EP400: variants seen among roughly 807,000 people sequenced by gnomAD.
EP400 encodes E1A-binding protein p400.
Under a neutral mutation model 354.1 loss-of-function variants are expected in EP400, and 105 were observed. The ratio of observed to expected loss-of-function variants is 0.30; its 90% CI spans 0.25 to 0.35. EP400 has a LOEUF of 0.35. Ranked by LOEUF, EP400 falls within the 10% of genes least tolerant of loss-of-function variation. The pLI, the probability that EP400 is intolerant of heterozygous loss-of-function variation, is 1.00. For missense variants in EP400, 3,280 were observed against 4,121.0 expected (o/e 0.80, Z 5.59); for synonymous variants, 1,646 against 1,716.9 (o/e 0.96, Z 1.02).
At chr12:131,979,321 A>T (rs1825320452) in intron 2 of EP400, among the ~76,000 whole-genome samples, 1 of 151,686 alleles carries the variant, frequency 6.6e-6, no homozygotes. Flanking sequence ...GTGTTTTTGG[A>T]TGTGAAGTTA....
At position 132,025,426 on chromosome 12, in the gene EP400, T is replaced by C. The variant is rs1894272297; in HGVS notation, c.4856-220T>C. Among the ~76,000 whole-genome samples the C allele has an allele frequency of 6.6e-6, 1 of 152,230 alleles. No individual in the cohort carries two copies. The highest frequency in any genetic ancestry group is 2.1e-4 in the South Asian group (1 of 4,832). On this transcript the variant is annotated intron_variant, in intron 24 of 52. Transcript: ENST00000389561. This position sits in a 1 kb window ranked among gnomAD's most constrained non-coding sequence, Gnocchi z 4.1. The stretch of plus-strand genomic sequence containing the variant: ...GGGACAGAGGGTAGATGGCCTTTTC[T>C]TGACATGGAGCAAGATACCTTGTCT...
At chr12:132,011,381 G>A in intron 15 of EP400, 117 bp from the exon 16 acceptor site, 1 of 1,288,556 alleles carries the variant, frequency 7.8e-7, no homozygotes, top group Non-Finnish European at 1.1e-6. Context: ...CCTCAGTCGT[G>A]CGATGGCTCA....
At chr12:132,003,613 G>A (rs1893489383) in intron 12 of EP400, among the ~76,000 whole-genome samples, 1 of 152,120 alleles carries the variant, frequency 6.6e-6, no homozygotes, top group South Asian at 2.1e-4. Context: ...CTTACTGGAA[G>A]TTTCCAGTGG....
chr12:132,002,417 G>A (rs547880160), intron 12 of EP400, among the ~76,000 whole-genome samples: 56 of 152,174 alleles, frequency 3.7e-4, no homozygotes, highest in African/African-American at 1.2e-3. Context: ...ATTATGGTGC[G>A]CATTCTTGAC....
chr12:132,044,970 C>A lies in EP400; in HGVS notation c.6784+17C>A. 1 of 1,612,564 alleles carries A rather than the reference C, an allele frequency of 6.2e-7. No individual in the cohort carries two copies. Among genetic ancestry groups the A allele is most frequent in the Non-Finnish European group, 8.5e-7 (1 of 1,179,562 alleles). On this transcript the variant is annotated intron_variant, in intron 37 of 52. Transcript: ENST00000389561. Reference sequence around the variant, plus strand: ...ACCCCTCAGGTGCGCATCCCGAGGGCGTCACATGACCTGGGGGGGCCCTGG... The same window carrying A: ...ACCCCTCAGGTGCGCATCCCGAGGGAGTCACATGACCTGGGGGGGCCCTGG...
At position 132,033,519 on chromosome 12, in the gene EP400, A is replaced by G. The variant is rs1894594144; in HGVS notation, c.5951+1370A>G. The stretch of plus-strand genomic sequence containing the variant: ...CTAGGTGGTAGCTGACCCTGGAACT[A>G]AAACCCAAGTGTGCTTTAACCTCTT... On this transcript the variant is annotated intron_variant, in intron 30 of 52. Coordinates refer to ENST00000389561, the MANE Select transcript of EP400 (RefSeq NM_015409.5). Among the ~76,000 whole-genome samples the G allele has an allele frequency of 2.6e-5, 4 of 151,500 alleles. No homozygotes were observed. In the South Asian group the frequency reaches 8.3e-4, roughly 32 times the overall value.
chr12:131,992,830 G>A (rs1180168824), intron 11 of EP400, among the ~76,000 whole-genome samples: 1 of 152,216 alleles, frequency 6.6e-6, no homozygotes, highest in Admixed American at 6.5e-5. Context: ...CAGGTGCCAG[G>A]TAAGGCCTGC....
At chr12:132,032,316 CATG>C (rs1444588147) in intron 30 of EP400, among the ~76,000 whole-genome samples, 167 bp downstream of exon 30, 1 of 152,246 alleles carries the variant, frequency 6.6e-6, no homozygotes, top group Non-Finnish European at 1.5e-5. Flanking sequence ...AAAGACAATG[CATG>C]ATATCTAATT....
At chr12:131,974,905 G>A (rs1370814433) in intron 2 of EP400, among the ~76,000 whole-genome samples, 1 of 146,810 alleles carries the variant, frequency 6.8e-6, no homozygotes, top group Non-Finnish European at 1.5e-5. Context: ...CAGGAGAATT[G>A]CTTGAACCCG....
Position 132,005,085 on chromosome 12 carries a change from C to G in EP400, c.2836C>G (p.Pro946Ala), listed in dbSNP as rs761655099. Residue 946 changes from proline (P) to alanine (A), a missense_variant, in exon 13 of 53, where the codon CCC becomes GCC. Transcript: ENST00000389561. ...LSNLAKEAEL[P>A]LLDLMKLYEG... ...CCCGCAACCCTCTGCAGCTGAGCTG[C>G]CCCTCCTGGACCTGATGAAGCTGTA... 1.9e-6 allele frequency: 3 copies of G among 1,581,610 alleles called. No individual in the cohort carries two copies. The highest frequency in any genetic ancestry group is 2.6e-6 in the Non-Finnish European group (3 of 1,163,678).
Position 132,050,636 on chromosome 12 carries a change from G to A in EP400, c.7375G>A (p.Ala2459Thr), listed in dbSNP as rs368830393. ...TCCCTTTCAGAAGAACCCCAAGCAC[G>A]CGTCTGTGTTGGCAGAAAGGTATTT... is the stretch of plus-strand genomic sequence containing the variant. The part of the protein sequence containing the change: ...MNPFQKNPKH[A>T]SVLAESGINY... The change falls in exon 41 of 53, where the codon GCG becomes ACG. Residue 2459 changes from alanine to threonine, a missense_variant. By Grantham distance (58) the Ala-to-Thr change is moderately conservative (BLOSUM62 0). Transcript: ENST00000389561. The surrounding 1 kb of genome is among the most constrained non-coding windows in gnomAD (Gnocchi z 4.8). The A allele has an allele frequency of 7.3e-5, 118 of 1,614,082 alleles. No homozygotes were observed. Among genetic ancestry groups the A allele is most frequent in the Admixed American group, 1.3e-4 (8 of 60,000 alleles).
chr12:132,007,742 G>C (rs530467953), intron 15 of EP400, among the ~76,000 whole-genome samples: 106 of 152,278 alleles, frequency 7.0e-4, no homozygotes, highest in African/African-American at 2.5e-3. Context: ...GAGGGGATTT[G>C]GCCTTGTCTT....
At position 132,025,847 on chromosome 12, in the gene EP400, C is replaced by CT. The variant is rs1211785382; in HGVS notation, c.5014+46dup. On this transcript the variant is annotated intron_variant, in intron 25 of 52. Coordinates refer to ENST00000389561, the MANE Select transcript of EP400 (RefSeq NM_015409.5). This position sits in a 1 kb window ranked among gnomAD's most constrained non-coding sequence, Gnocchi z 4.1. ...GGAGGGAGACTTGGCTTGGATGCTT[C>CT]TTTCTCTTCCATCTAAGGCGAGTGG... 4 of 1,528,086 alleles carry CT rather than the reference C, an allele frequency of 2.6e-6. No individual in the cohort carries two copies. The African/African-American group carries it at 4.1e-5, about 16-fold the overall frequency. The allele number at this position is 1,528,086 out of a possible 1,614,324, so 94.7% of individuals were successfully genotyped here.
At chr12:132,058,630 G>A (rs1041679349) in intron 45 of EP400, among the ~76,000 whole-genome samples, 10 of 152,196 alleles carry the variant, frequency 6.6e-5, no homozygotes, top group Admixed American at 1.3e-4. Context: ...GGTTACAGGC[G>A]TGAGCCACCG....
chr12:132,045,619 C>T, intron 38 of EP400, 59 bp downstream of exon 38: 1 of 1,605,720 alleles, frequency 6.2e-7, no homozygotes, highest in Non-Finnish European at 8.5e-7. Flanking sequence ...TAACGCACGT[C>T]CGTGCATCCA....
chr12:132,029,342 A>G lies in EP400; in HGVS notation c.5382-359A>G, dbSNP rs1326864235. On this transcript the variant is annotated intron_variant, in intron 27 of 52. Coordinates refer to ENST00000389561, the MANE Select transcript of EP400 (RefSeq NM_015409.5). The surrounding 1 kb of genome is among the most constrained non-coding windows in gnomAD (Gnocchi z 4.7). ...GTGGCACAGTGGCTATAGCAGTTCT[A>G]GGGTCCACGAGACAGTGCACCTTTG... is the stretch of plus-strand genomic sequence containing the variant. The G allele has an allele frequency of 3.5e-6, 1 of 288,276 alleles. No individual in the cohort carries two copies. 17.9% of individuals were successfully genotyped at this position (288,276 alleles called of 1,614,324 possible).
At position 131,961,672 on chromosome 12, in the gene EP400, A is replaced by G. The variant is rs199546138; in HGVS notation, c.1053A>G (p.Leu351=). 3.6e-5 allele frequency: 58 copies of G among 1,612,660 alleles called. 1 individual carries two copies. In the East Asian group the frequency reaches 1.2e-3, roughly 33 times the overall value. The part of the protein sequence containing the change: ...NTGMKKVPKK[L]EEIPPASPEM... ...GAATGAAGAAGGTTCCCAAGAAGTT[A>G]GAGGAGATTCCCCCAGCCTCTCCGG... The change falls in exon 2 of 53, where the codon TTA becomes TTG. Residue 351 remains leucine, a synonymous_variant. Coordinates refer to ENST00000389561, the MANE Select transcript of EP400 (RefSeq NM_015409.5).
chr12:132,069,692 C>T, intron 51 of EP400, 51 bp downstream of exon 51: 1 of 1,603,930 alleles, frequency 6.2e-7, no homozygotes, highest in Non-Finnish European at 8.5e-7. Context: ...GGTGCCCGGC[C>T]TTTGGATTGT....
chr12:131,979,770 C>T lies in EP400; in HGVS notation c.1412C>T (p.Ala471Val), dbSNP rs111485547. Residue 471 changes from alanine to valine, a missense_variant, in exon 3 of 53, where the codon GCG becomes GTG. Physicochemically the swap from Ala to Val is moderately conservative, Grantham distance 64. Coordinates refer to ENST00000389561, the MANE Select transcript of EP400 (RefSeq NM_015409.5). Reference protein sequence around the residue: ...VETDLFKRQQAMPSTGMAEQS... With the variant: ...VETDLFKRQQVMPSTGMAEQS... ...ACGGACCTGTTTAAGAGGCAGCAGG[C>T]GATGCCCTCCACAGGTATGGCAGGT... The T allele has an allele frequency of 7.3e-5, 117 of 1,607,096 alleles. No individual in the cohort carries two copies. The highest frequency in any genetic ancestry group is 1.5e-4 in the African/African-American group (11 of 74,586).
Sources: gnomAD v4.1 joint callset for allele counts (sites outside exome capture counted in the v4.1 genomes callset) on GRCh38, gnomAD v4.1.1 for gene constraint, Gnocchi (gnomAD v3.1) non-coding constraint, MANE v1.5 for transcripts, NCBI Gene and HGNC (gene_info 2026-07-23, HGNC 2026-07-21) for gene names.